Variants in CLNK observed in about 807,000 individuals in gnomAD.
CLNK encodes the protein cytokine-dependent hematopoietic cell linker.
Under a neutral mutation model 68.6 loss-of-function variants are expected in CLNK, and 74 were observed. The observed-to-expected ratio is 1.08, with a 90% confidence interval of 0.89 to 1.31. CLNK has a LOEUF of 1.31. Ranked by LOEUF, CLNK falls within the 50% of genes most tolerant of loss-of-function variation. CLNK has a pLI of 0.00. For synonymous variants in CLNK, 198 were observed against 172.2 expected (o/e 1.15, Z -1.17); for missense variants, 553 against 515.3 (o/e 1.07, Z -0.71).
intron 11 of CLNK, among the ~76,000 whole-genome samples, chr4:10,535,965 G>C (rs1048099371): frequency 6.6e-6 from 1 of 152,160 alleles, no homozygotes; most frequent in Non-Finnish European, 1.5e-5. Context: ...TTCTGGTTTT[G>C]AGTTGTCAAT....
At chr4:10,622,531 C>G (rs1203738775) in intron 2 of CLNK, among the ~76,000 whole-genome samples, 2 of 152,158 alleles carry the variant, frequency 1.3e-5, no homozygotes, top group Non-Finnish European at 2.9e-5. Flanking sequence ...TTGGTTGAAA[C>G]AGTATAGGAC....
chr4:10,498,630 T>C (rs992935968), intron 18 of CLNK, among the ~76,000 whole-genome samples: 1 of 152,208 alleles, frequency 6.6e-6, no homozygotes, highest in African/African-American at 2.4e-5. Flanking sequence ...TTAGGGCTAC[T>C]ATATCCTACT....
intron 2 of CLNK, among the ~76,000 whole-genome samples, chr4:10,620,990 G>C (rs1179954442): frequency 1.3e-5 from 2 of 151,760 alleles, no homozygotes; most frequent in Non-Finnish European, 2.9e-5. Flanking sequence ...GGCACCTGTA[G>C]TCCCAGCTGC....
rs189013274 is a variant in CLNK at position 10,563,570 on chromosome 4, A to G, written c.399+1101T>C. Among the ~76,000 whole-genome samples, 13 of 152,336 alleles carry G rather than the reference A, an allele frequency of 8.5e-5. No individual in the cohort carries two copies. In the East Asian group the frequency reaches 2.5e-3, roughly 29 times the overall value. ...GAGAAGAAAAATAAAGCAGGTATATACTAAACAATGAGGCTTCCCCTGTTT... is the reference window on the plus strand; with the variant it reads ...GAGAAGAAAAATAAAGCAGGTATATGCTAAACAATGAGGCTTCCCCTGTTT... On this transcript the variant is annotated intron_variant, in intron 7 of 18. Transcript: ENST00000226951.
At chr4:10,630,874 T>A (rs1295771070) in intron 2 of CLNK, among the ~76,000 whole-genome samples, 1 of 152,074 alleles carries the variant, frequency 6.6e-6, no homozygotes, top group Non-Finnish European at 1.5e-5. Context: ...ATTGAGGGCG[T>A]TTCTCTCATT....
At chr4:10,587,896 T>C (rs779198372) in intron 3 of CLNK, among the ~76,000 whole-genome samples, 1 of 152,156 alleles carries the variant, frequency 6.6e-6, no homozygotes, top group Non-Finnish European at 1.5e-5. Context: ...TCAGAGCCCT[T>C]GTGGTTAACA....
chr4:10,546,296 C>T (rs1200039919), intron 8 of CLNK, among the ~76,000 whole-genome samples: 1 of 152,096 alleles, frequency 6.6e-6, no homozygotes, highest in South Asian at 2.1e-4. Flanking sequence ...ATGTAAGTTG[C>T]CAAAATAACC....
rs186445319 is a variant in CLNK at position 10,487,502 on chromosome 4, A to G, written c.*2965T>C. ...CAACACTGAAAACAGTGAATTCAGG[A>G]TGTTGCTGTGGCAGGCCAGAGGTGG... On this transcript the variant is annotated 3_prime_UTR_variant, in exon 19 of 19. Coordinates refer to ENST00000226951, the MANE Select transcript of CLNK (RefSeq NM_052964.4). 5 of 152,306 alleles carry G rather than the reference A, an allele frequency of 3.3e-5. No homozygotes were observed. In the East Asian group the frequency reaches 9.6e-4, roughly 29 times the overall value. 9.4% of individuals were successfully genotyped at this position (152,306 alleles called of 1,614,324 possible). A position where few individuals can be genotyped will look rare whatever the true frequency, so the allele number is the denominator to read the frequency against.
intron 18 of CLNK, 67 bp from the exon 19 acceptor site, chr4:10,490,680 C>A: frequency 1.5e-6 from 2 of 1,326,956 alleles, no homozygotes; most frequent in East Asian, 5.1e-5. Context: ...TAAAGTATAG[C>A]CAAGGTGCTT....
At chr4:10,576,373 T>C (rs749083627) in intron 4 of CLNK, among the ~76,000 whole-genome samples, 74 of 152,282 alleles carry the variant, frequency 4.9e-4, no homozygotes, top group Non-Finnish European at 9.4e-4. Context: ...CATGGATGTG[T>C]GGAGGGTCAT....
chr4:10,667,979 A>G (rs1314161196), intron 1 of CLNK, 68 bp from the exon 2 acceptor site: 12 of 829,748 alleles, frequency 1.4e-5, no homozygotes, highest in Middle Eastern at 4.6e-4. Context: ...GGAACAAGCC[A>G]CTGTTGCTGC....
chr4:10,659,905 C>G (rs1724128105), intron 2 of CLNK, among the ~76,000 whole-genome samples: 1 of 152,112 alleles, frequency 6.6e-6, no homozygotes, highest in Non-Finnish European at 1.5e-5. Flanking sequence ...TGTACTTGAA[C>G]TTAACAAAAT....
chr4:10,564,502 A>T (rs1276846621), intron 7 of CLNK, among the ~76,000 whole-genome samples, 169 bp downstream of exon 7: 1 of 152,200 alleles, frequency 6.6e-6, no homozygotes, highest in Non-Finnish European at 1.5e-5. Flanking sequence ...GCTACCAGTC[A>T]TAAGAGTCAC....
rs10692993 is a variant in CLNK at position 10,611,496 on chromosome 4, GAAAA to G, written c.12-13451_12-13448del. Among the ~76,000 whole-genome samples, 18 of 134,720 alleles carry G rather than the reference GAAAA, an allele frequency of 1.3e-4. No homozygotes were observed. The East Asian group carries it at 3.3e-3, about 25-fold the overall frequency. The allele number at this position is 134,720 out of a possible 152,430, so 88.4% of individuals were successfully genotyped here. ...CTGGCCACAGAGGGAGGCTAAGTCT[GAAAA>G]AAAAAAAAAAATGTAGTGGACCTTC... On this transcript the variant is annotated intron_variant, in intron 2 of 18. Coordinates refer to ENST00000226951, the MANE Select transcript of CLNK (RefSeq NM_052964.4).
At chr4:10,539,170 G>A (rs1472345168) in intron 11 of CLNK, among the ~76,000 whole-genome samples, 1 of 152,212 alleles carries the variant, frequency 6.6e-6, no homozygotes, top group Non-Finnish European at 1.5e-5. Context: ...AGACTTGAGA[G>A]CCTCTATTCC....
At position 10,655,284 on chromosome 4, in the gene CLNK, C is replaced by T. The variant is rs910687398; in HGVS notation, c.11+12575G>A. ...ACGTCATAAAGATGTCATTTATCTT[C>T]TAAGTTATCTGTAGATTTCAAAGTA... On this transcript the variant is annotated intron_variant, in intron 2 of 18. Coordinates refer to ENST00000226951, the MANE Select transcript of CLNK (RefSeq NM_052964.4). Among the ~76,000 whole-genome samples, 4 of 147,736 alleles carry T rather than the reference C, an allele frequency of 2.7e-5. No homozygotes were observed. In the Admixed American group the frequency reaches 2.8e-4, roughly 10 times the overall value.
chr4:10,690,270 C>T, the CLNK span, among the ~76,000 whole-genome samples: 95 of 152,262 alleles, frequency 6.2e-4, no homozygotes, highest in African/African-American at 2.3e-3. Flanking sequence ...AACCATCCCA[C>T]AGGACAGAAG....
At chr4:10,716,054 A>T in the CLNK span, among the ~76,000 whole-genome samples, 3 of 152,212 alleles carry the variant, frequency 2.0e-5, no homozygotes, top group East Asian at 3.8e-4. Context: ...AACATGCAAG[A>T]TTATTTTTAA....
intron 8 of CLNK, among the ~76,000 whole-genome samples, chr4:10,546,848 C>T (rs1719252549): frequency 6.6e-6 from 1 of 151,942 alleles, no homozygotes; most frequent in South Asian, 2.1e-4. Context: ...CTAAGAAAAC[C>T]AAGGTTTAGG....
Sources: gnomAD v4.1 joint callset for allele counts (sites outside exome capture counted in the v4.1 genomes callset) on GRCh38, gnomAD v4.1.1 for gene constraint, MANE v1.5 for transcripts, NCBI Gene and HGNC (gene_info 2026-07-23, HGNC 2026-07-21) for gene names.